Variants in ZNF607 observed in about 807,000 individuals in gnomAD.
ZNF607 encodes the protein zinc finger protein 607.
A neutral mutation model predicts 12.8 loss-of-function variants in ZNF607; 5 were observed. The observed-to-expected ratio is 0.39, with a 90% CI of 0.20 to 0.82. The LOEUF (loss-of-function observed/expected upper bound fraction) is 0.82. Among genes scored for constraint, ZNF607 ranks in the 40% least tolerant of loss-of-function variants. ZNF607 has a pLI of 0.39. For missense variants in ZNF607, 851 were observed against 859.2 expected (o/e 0.99, Z 0.12); for synonymous variants, 287 against 276.2 (o/e 1.04, Z -0.39).
intron 2 of ZNF607, among the ~76,000 whole-genome samples, chr19:37,710,236 G>A (rs536333406): frequency 1.3e-4 from 20 of 152,154 alleles, no homozygotes; most frequent in African/African-American, 2.2e-4. Flanking sequence ...AGGCCAAGGC[G>A]GGCAGATTAC....
Position 37,699,660 on chromosome 19 carries a change from A to G in ZNF607, c.471T>C (p.Leu157=). 1.9e-6 allele frequency: 3 copies of G among 1,614,078 alleles called. No individual in the cohort carries two copies. Among genetic ancestry groups the G allele is most frequent in the Non-Finnish European group, 2.5e-6 (3 of 1,179,988 alleles). The part of the protein sequence containing the change: ...FRKAFSHLTD[L]RKHQKINARE... ...GAGCATTAATTTTCTGATGCTTTCT[A>G]AGGTCTGTAAGATGGCTAAATGCCT... Residue 157 remains leucine (L), a synonymous_variant, in exon 5 of 5, where the codon CTT becomes CTC. Transcript: ENST00000355202.
chr19:37,708,681 T>C (rs1468676338), intron 3 of ZNF607, among the ~76,000 whole-genome samples: 8 of 151,704 alleles, frequency 5.3e-5, no homozygotes, highest in Non-Finnish European at 1.5e-5. Flanking sequence ...ACCCTGTCTC[T>C]ACTAAAAATA....
chr19:37,710,570 T>C (rs937069165), intron 2 of ZNF607, among the ~76,000 whole-genome samples: 10 of 152,004 alleles, frequency 6.6e-5, no homozygotes, highest in African/African-American at 2.4e-4. Context: ...CAGAAATCTA[T>C]GCTATCAGGG....
Position 37,708,398 on chromosome 19 carries a change from G to A in ZNF607, c.137-386C>T, listed in dbSNP as rs1006951779. ...TTTAGTAGAAATGGGGTTTCGCCAT[G>A]TTGGCCAGGCTGGTCTCGAACTCCT... On this transcript the variant is annotated intron_variant, in intron 3 of 4. Transcript: ENST00000355202. Among the ~76,000 whole-genome samples the A allele has an allele frequency of 2.0e-5, 3 of 151,666 alleles. No individual in the cohort carries two copies. In the South Asian group the frequency reaches 6.3e-4, roughly 32 times the overall value.
In ZNF607 at chr19:37,697,997, C is replaced by A. The variant is rs368009766; in HGVS notation, c.*43G>T. 2.7e-6 allele frequency: 4 copies of A among 1,503,570 alleles called. No individual in the cohort carries two copies. The East Asian group carries it at 6.8e-5, about 25-fold the overall frequency. 93.1% of individuals were successfully genotyped at this position (1,503,570 alleles called of 1,614,324 possible). On this transcript the variant is annotated 3_prime_UTR_variant, in exon 5 of 5. Coordinates refer to ENST00000355202, the MANE Select transcript of ZNF607 (RefSeq NM_032689.5). ...GTTCAGTGGGATAAATCCATTGACA[C>A]AATGTGCTTTCTTTACTACCTGTAT... is the stretch of plus-strand genomic sequence containing the variant.
chr19:37,711,332 T>A (rs1479728591), intron 2 of ZNF607, among the ~76,000 whole-genome samples: 3 of 152,188 alleles, frequency 2.0e-5, no homozygotes, highest in African/African-American at 7.2e-5. Context: ...TCAAAGAACT[T>A]GACTCCTTTC....
chr19:37,707,523 AC>A (rs2045095415), intron 4 of ZNF607, among the ~76,000 whole-genome samples: 1 of 152,084 alleles, frequency 6.6e-6, no homozygotes, highest in African/African-American at 2.4e-5. Context: ...TAATCCCAGC[AC>A]TTTGGGAGTC....
intron 4 of ZNF607, among the ~76,000 whole-genome samples, chr19:37,703,643 C>A (rs2045057964): frequency 6.6e-6 from 1 of 151,896 alleles, no homozygotes; most frequent in Non-Finnish European, 1.5e-5. Context: ...AAATGGTGGG[C>A]TATATTAATA....
In ZNF607 at chr19:37,696,534, TC is replaced by T. The variant is rs2044975415; in HGVS notation, c.*1505del. 2 of 440,124 alleles carry T rather than the reference TC, an allele frequency of 4.5e-6. No homozygotes were observed. The highest frequency in any genetic ancestry group is 9.0e-5 in the East Asian group (2 of 22,120). The allele number at this position is 440,124 out of a possible 1,614,324, so 27.3% of individuals were successfully genotyped here. Reference sequence around the variant, plus strand: ...AGCCAATCATGAAATTTCAGTGATTTCTGGGGTGAGGGCGAAAGGTGGTGTT... The same window carrying T: ...AGCCAATCATGAAATTTCAGTGATTTTGGGGTGAGGGCGAAAGGTGGTGTT... On this transcript the variant is annotated 3_prime_UTR_variant, in exon 5 of 5. Coordinates refer to ENST00000355202, the MANE Select transcript of ZNF607 (RefSeq NM_032689.5).
In ZNF607 at chr19:37,699,244, A is replaced by C. The variant is rs764741676; in HGVS notation, c.887T>G (p.Leu296Arg). The C allele has an allele frequency of 2.5e-6, 4 of 1,614,074 alleles. No homozygotes were observed. In the African/African-American group the frequency reaches 5.3e-5, roughly 22 times the overall value. ...AGTATGAATTCTTTTATGACCCACA[A>C]GGTGGGAAAACTGACGAAAGGCCTT... ...CGKAFRQFSHLVGHKRIHTGE... is the reference protein window; with the variant it reads ...CGKAFRQFSHRVGHKRIHTGE... The change falls in exon 5 of 5, where the codon CTT becomes CGT. Residue 296 changes from leucine to arginine, a missense_variant. Physicochemically the swap from Leu to Arg is moderately radical, Grantham distance 102 (BLOSUM62 -2). Transcript: ENST00000355202.
Position 37,697,781 on chromosome 19 carries a change from A to G in ZNF607, c.*259T>C. On this transcript the variant is annotated 3_prime_UTR_variant, in exon 5 of 5. Coordinates refer to ENST00000355202, the MANE Select transcript of ZNF607 (RefSeq NM_032689.5). The stretch of plus-strand genomic sequence containing the variant: ...TATTTTGGCAATCCAAAACTAGAGG[A>G]ATATCAGAAAAGTTTTCTTATGTTA... 2.8e-6 allele frequency: 1 copy of G among 354,510 alleles called. No homozygotes were observed. Among genetic ancestry groups the G allele is most frequent in the Non-Finnish European group, 5.1e-6 (1 of 197,708 alleles). The allele number at this position is 354,510 out of a possible 1,614,324, so 22.0% of individuals were successfully genotyped here.
At chr19:37,714,087 G>C (rs1341470120) in intron 1 of ZNF607, among the ~76,000 whole-genome samples, 3 of 151,966 alleles carry the variant, frequency 2.0e-5, no homozygotes, top group Admixed American at 6.6e-5. Flanking sequence ...TTGGGAGGCC[G>C]AGGTGGGCGG....
intron 3 of ZNF607, among the ~76,000 whole-genome samples, chr19:37,709,366 A>G (rs1301976508): frequency 2.0e-5 from 3 of 152,212 alleles, no homozygotes; most frequent in Non-Finnish European, 4.4e-5. Context: ...GCACAAAATA[A>G]ATAAGAAACC....
intron 4 of ZNF607, among the ~76,000 whole-genome samples, chr19:37,705,794 T>G (rs995224728): frequency 6.6e-6 from 1 of 151,184 alleles, no homozygotes; most frequent in African/African-American, 2.4e-5. Context: ...GAAAAAAAAC[T>G]ATATTTCTTT....
Position 37,699,773 on chromosome 19 carries a change from G to A in ZNF607, c.358C>T (p.Gln120Ter). ...GQKPYECKQCQKSFSHLTELM... is the reference protein window; with the variant it reads ...GQKPYECKQC Reference sequence around the variant, plus strand: ...TCTGTAAGATGACTAAAGGACTTCTGACATTGCTTACACTCATATGGTTTC... The same window carrying A: ...TCTGTAAGATGACTAAAGGACTTCTAACATTGCTTACACTCATATGGTTTC... The change falls in exon 5 of 5, where the codon CAG becomes TAG. Residue 120 changes from glutamine (Q) to a stop codon, truncating the protein, a stop_gained. Coordinates refer to ENST00000355202, the MANE Select transcript of ZNF607 (RefSeq NM_032689.5). LOFTEE classifies it low-confidence loss of function (END_TRUNC). 1.2e-6 allele frequency: 2 copies of A among 1,614,044 alleles called. No homozygotes were observed. Among genetic ancestry groups the A allele is most frequent in the African/African-American group, 1.3e-5 (1 of 75,036 alleles).
At chr19:37,717,817 A>G (rs1200101153) in intron 1 of ZNF607, among the ~76,000 whole-genome samples, 3 of 150,940 alleles carry the variant, frequency 2.0e-5, no homozygotes, top group Non-Finnish European at 4.4e-5. Flanking sequence ...AAAAAAAAAA[A>G]AAAAAAAAAA....
At chr19:37,705,784 GA>G (rs898425498) in intron 4 of ZNF607, among the ~76,000 whole-genome samples, 2 of 147,744 alleles carry the variant, frequency 1.4e-5, no homozygotes, top group Non-Finnish European at 3.0e-5. Flanking sequence ...ATCTGAAAAA[GA>G]AAAAAAACTA....
chr19:37,717,245 G>A (rs1215308979), intron 1 of ZNF607, among the ~76,000 whole-genome samples: 1 of 152,128 alleles, frequency 6.6e-6, no homozygotes, highest in East Asian at 1.9e-4. Flanking sequence ...GCGTGCAGTG[G>A]CTCGATCTCG....
intron 4 of ZNF607, among the ~76,000 whole-genome samples, chr19:37,705,151 T>C (rs2145233069): frequency 6.6e-6 from 1 of 152,082 alleles, no homozygotes; most frequent in African/African-American, 2.4e-5. Flanking sequence ...ATGAAATTGA[T>C]AAACCTCCAC....
Sources: allele counts gnomAD v4.1 joint callset (sites outside exome capture counted in the v4.1 genomes callset), GRCh38; gene constraint gnomAD v4.1.1; transcripts MANE v1.5; gene names NCBI Gene and HGNC (gene_info 2026-07-23, HGNC 2026-07-21).